Variants in AGBL4 observed in about 807,000 individuals in gnomAD.
AGBL4 encodes AGBL carboxypeptidase 4.
A neutral mutation model predicts 66.4 loss-of-function variants in AGBL4; 58 were observed. That is an observed-to-expected ratio of 0.87 (90% CI 0.71 to 1.09). The LOEUF (loss-of-function observed/expected upper bound fraction) is 1.09, where lower values mean the gene tolerates loss of function less well. Ranked by LOEUF, AGBL4 falls within the 50% of genes least tolerant of loss-of-function variation. The probability of loss-of-function intolerance (pLI) is 0.00; values close to 1 mark genes in which losing one functional copy is unlikely to be tolerated. For synonymous variants in AGBL4, 234 were observed against 222.9 expected (o/e 1.05, Z -0.44); for missense variants, 579 against 631.0 (o/e 0.92, Z 0.88).
chr1:49,205,529 GA>G (rs887019127), intron 4 of AGBL4, among the ~76,000 whole-genome samples: 1 of 152,070 alleles, frequency 6.6e-6, no homozygotes, highest in Non-Finnish European at 1.5e-5. Flanking sequence ...GGTCTCACTA[GA>G]AAAGTGGTGT....
intron 1 of AGBL4, among the ~76,000 whole-genome samples, chr1:49,950,652 G>A (rs573214439): frequency 4.0e-5 from 6 of 151,338 alleles, no homozygotes; most frequent in South Asian, 2.1e-4. Context: ...AAAGTTCAAC[G>A]AAGAAAAAAA....
At chr1:49,759,017 CT>C (rs1652108679) in intron 2 of AGBL4, among the ~76,000 whole-genome samples, 1 of 152,126 alleles carries the variant, frequency 6.6e-6, no homozygotes, top group South Asian at 2.1e-4. Flanking sequence ...CCAAGCTGAT[CT>C]TGTAATAGTG....
At chr1:48,670,962 C>T (rs6658427) in intron 6 of AGBL4, among the ~76,000 whole-genome samples, 1,974 of 152,312 alleles carry the variant, frequency 0.013, 46 homozygotes, top group African/African-American at 0.044. Context: ...AACAATTCCA[C>T]GAGGAGCTCT....
chr1:49,156,634 G>C (rs1646435826), intron 4 of AGBL4, among the ~76,000 whole-genome samples: 1 of 152,120 alleles, frequency 6.6e-6, no homozygotes, highest in African/African-American at 2.4e-5. Context: ...CTTGTGACAT[G>C]GAAGCTGGCT....
intron 3 of AGBL4, among the ~76,000 whole-genome samples, chr1:49,577,519 T>A (rs1644460543): frequency 6.6e-6 from 1 of 152,208 alleles, no homozygotes; most frequent in South Asian, 2.1e-4. Flanking sequence ...TCTTCCATCA[T>A]GGAAAAAGCA....
At chr1:49,977,631 C>A (rs543441725) in intron 1 of AGBL4, among the ~76,000 whole-genome samples, 4 of 152,322 alleles carry the variant, frequency 2.6e-5, no homozygotes, top group African/African-American at 9.6e-5. Flanking sequence ...CACCTTCCAT[C>A]AATTGCTTTA....
chr1:49,439,962 T>C (rs978883911), intron 3 of AGBL4, among the ~76,000 whole-genome samples: 1 of 151,770 alleles, frequency 6.6e-6, no homozygotes, highest in African/African-American at 2.4e-5. Context: ...GTACCAAGAG[T>C]GGTTCTAGAG....
At chr1:49,571,979 A>T in intron 3 of AGBL4, among the ~76,000 whole-genome samples, 1 of 152,096 alleles carries the variant, frequency 6.6e-6, no homozygotes, top group Non-Finnish European at 1.5e-5. Flanking sequence ...AAGTATTTTC[A>T]TGAGAATTTT....
intron 5 of AGBL4, among the ~76,000 whole-genome samples, chr1:49,002,634 C>T (rs1322921841): frequency 6.6e-6 from 1 of 152,142 alleles, no homozygotes; most frequent in Non-Finnish European, 1.5e-5. Context: ...ATTGGAATTT[C>T]AAGAACTCTT....
At chr1:48,860,343 C>T (rs1647363287) in intron 6 of AGBL4, among the ~76,000 whole-genome samples, 1 of 152,148 alleles carries the variant, frequency 6.6e-6, no homozygotes, top group African/African-American at 2.4e-5. Context: ...TGTTGGGCTC[C>T]ATTGTGGGAG....
intron 6 of AGBL4, among the ~76,000 whole-genome samples, chr1:48,738,512 G>A (rs1018409655): frequency 3.3e-5 from 5 of 152,196 alleles, no homozygotes; most frequent in Admixed American, 6.5e-5. Context: ...GGGCATGCTG[G>A]GGACAAGTTC....
chr1:49,740,057 C>T (rs868363702), intron 2 of AGBL4, among the ~76,000 whole-genome samples: 1 of 152,072 alleles, frequency 6.6e-6, no homozygotes, highest in African/African-American at 2.4e-5. Flanking sequence ...CAATATTAAC[C>T]TTAAATATAA....
At chr1:49,389,085 A>C (rs1644795603) in intron 3 of AGBL4, among the ~76,000 whole-genome samples, 1 of 152,156 alleles carries the variant, frequency 6.6e-6, no homozygotes, top group African/African-American at 2.4e-5. Flanking sequence ...AAAACAAGGT[A>C]ACTAGAATTG....
At chr1:49,167,601 G>A (rs1040541310) in intron 4 of AGBL4, among the ~76,000 whole-genome samples, 2 of 152,156 alleles carry the variant, frequency 1.3e-5, no homozygotes, top group Admixed American at 1.3e-4. Context: ...AAAAGGAGTG[G>A]CTATAGAAAG....
At chr1:49,076,315 A>C (rs558548905) in intron 4 of AGBL4, among the ~76,000 whole-genome samples, 58 of 152,312 alleles carry the variant, frequency 3.8e-4, no homozygotes, top group African/African-American at 1.3e-3. Context: ...ATATATTTTA[A>C]ATCATTTCAA....
intron 3 of AGBL4, among the ~76,000 whole-genome samples, chr1:49,520,997 C>T (rs527589336): frequency 9.8e-4 from 149 of 151,890 alleles, no homozygotes; most frequent in African/African-American, 3.5e-3. Context: ...TTAGTAGACA[C>T]GGGGTTTCAC....
At chr1:49,119,843 C>T (rs999350990) in intron 4 of AGBL4, among the ~76,000 whole-genome samples, 1 of 152,114 alleles carries the variant, frequency 6.6e-6, no homozygotes, top group Non-Finnish European at 1.5e-5. Flanking sequence ...TAAGGAGTTC[C>T]TTTATGAATC....
Position 49,559,587 on chromosome 1 carries a change from T to A in AGBL4, c.282+137726A>T, listed in dbSNP as rs573344741. On this transcript the variant is annotated intron_variant, in intron 3 of 13. Coordinates refer to ENST00000371839, the MANE Select transcript of AGBL4 (RefSeq NM_032785.4). The stretch of plus-strand genomic sequence containing the variant: ...TGCCAGCACAGCTAGAAAAAGCAGG[T>A]GGAAGAAAGTGGAAAAAACTGACTT... 4.6e-5 allele frequency among the ~76,000 whole-genome samples: 7 copies of A among 152,220 alleles called. No homozygotes were observed. In the South Asian group the frequency reaches 1.5e-3, roughly 32 times the overall value.
intron 7 of AGBL4, among the ~76,000 whole-genome samples, chr1:48,661,905 G>A (rs975655266): frequency 1.3e-5 from 2 of 152,192 alleles, no homozygotes; most frequent in Admixed American, 1.3e-4. Context: ...GGGACCTCAA[G>A]AGGTTACTGC....
Sources: gnomAD v4.1 joint callset for allele counts (sites outside exome capture counted in the v4.1 genomes callset) on GRCh38, gnomAD v4.1.1 for gene constraint, MANE v1.5 for transcripts, NCBI Gene and HGNC (gene_info 2026-07-23, HGNC 2026-07-21) for gene names.